WWOX: variants seen among roughly 807,000 people sequenced by gnomAD.
WWOX encodes the protein WW domain containing oxidoreductase, also known as WW domain-containing oxidoreductase.
WWOX carries 69 observed loss-of-function variants against 46.2 expected under a neutral mutation model. That is an observed-to-expected ratio of 1.49 (90% CI 1.23 to 1.82). The LOEUF is 1.82. WWOX is among the 40% of genes most tolerant of loss of function. WWOX has a pLI of 0.00. For synonymous variants in WWOX, 359 were observed against 202.6 expected, an observed-to-expected ratio of 1.77 and a Z score of -6.56; for missense variants, 919 against 542.6, an observed-to-expected ratio of 1.69 and a Z score of -6.89.
chr16:78,482,934 G>A lies in WWOX; in HGVS notation c.1056+50182G>A, dbSNP rs183392476. 7.0e-4 allele frequency among the ~76,000 whole-genome samples: 106 copies of A among 152,224 alleles called. 1 individual carries two copies. Among genetic ancestry groups the A allele is most frequent in the African/African-American group, 2.4e-3 (98 of 41,556 alleles). ...AAGAAACAGTCATTCATATCTGTTCGTAGAAGTGGGCGTCAAGATTTTGGG... is the reference window on the plus strand; with the variant it reads ...AAGAAACAGTCATTCATATCTGTTCATAGAAGTGGGCGTCAAGATTTTGGG... On this transcript the variant is annotated intron_variant, in intron 8 of 8. Transcript: ENST00000566780.
intron 7 of WWOX, among the ~76,000 whole-genome samples, chr16:78,430,502 A>G (rs866654732): frequency 2.0e-5 from 3 of 152,252 alleles, no homozygotes; most frequent in African/African-American, 4.8e-5. Context: ...CCACTGGGGC[A>G]TTCTTCATTG....
At chr16:78,730,723 G>A (rs963066010) in intron 8 of WWOX, among the ~76,000 whole-genome samples, 1 of 149,386 alleles carries the variant, frequency 6.7e-6, no homozygotes, top group Non-Finnish European at 1.5e-5. Context: ...TCCTCCCAAA[G>A]TGCTGGGATT....
At chr16:78,469,949 T>C (rs2084181245) in intron 8 of WWOX, among the ~76,000 whole-genome samples, 1 of 152,230 alleles carries the variant, frequency 6.6e-6, no homozygotes, top group South Asian at 2.1e-4. Flanking sequence ...ATCTACATTG[T>C]ATGTTGGTAC....
intron 8 of WWOX, among the ~76,000 whole-genome samples, chr16:78,546,903 G>C (rs1256088516): frequency 6.6e-6 from 1 of 152,076 alleles, no homozygotes; most frequent in Non-Finnish European, 1.5e-5. Context: ...GAGGCGGGTG[G>C]ATCACTTGAG....
intron 8 of WWOX, among the ~76,000 whole-genome samples, chr16:79,143,330 A>G (rs1296534789): frequency 6.6e-6 from 1 of 152,220 alleles, no homozygotes; most frequent in African/African-American, 2.4e-5. Context: ...CATTAAATGT[A>G]TTTAAATTAT....
intron 8 of WWOX, chr16:79,077,229 T>G (rs2048674769): frequency 6.6e-6 from 1 of 152,160 alleles, no homozygotes; most frequent in South Asian, 2.1e-4. Flanking sequence ...CTTTTTTGTT[T>G]TATTTTTGCC....
intron 8 of WWOX, among the ~76,000 whole-genome samples, chr16:78,602,480 C>A (rs2045644561): frequency 6.6e-6 from 1 of 152,178 alleles, no homozygotes; most frequent in African/African-American, 2.4e-5. Context: ...GATCCACCCA[C>A]CTCGGCCTCT....
intron 8 of WWOX, among the ~76,000 whole-genome samples, chr16:78,648,214 C>G (rs540386002): frequency 4.5e-4 from 69 of 152,256 alleles, no homozygotes; most frequent in African/African-American, 1.6e-3. Context: ...CCTTTTTCCT[C>G]TCTAATTCAT....
chr16:78,647,599 C>T (rs982595935), intron 8 of WWOX, among the ~76,000 whole-genome samples: 5 of 152,208 alleles, frequency 3.3e-5, no homozygotes, highest in African/African-American at 4.8e-5. Context: ...GATTCCTCCC[C>T]ATTCTATAAA....
At chr16:78,564,707 G>T (rs1223812497) in intron 8 of WWOX, among the ~76,000 whole-genome samples, 5 of 151,966 alleles carry the variant, frequency 3.3e-5, no homozygotes, top group Non-Finnish European at 7.4e-5. Flanking sequence ...CTTCTTCCTG[G>T]CTCCAGTAAA....
intron 8 of WWOX, among the ~76,000 whole-genome samples, chr16:79,012,042 T>C (rs1430941871): frequency 1.3e-5 from 2 of 152,114 alleles, no homozygotes; most frequent in Non-Finnish European, 2.9e-5. Flanking sequence ...CTGGCTACTG[T>C]GTTGAGAATA....
chr16:78,916,172 C>G (rs1038211988), intron 8 of WWOX, among the ~76,000 whole-genome samples: 38 of 152,202 alleles, frequency 2.5e-4, no homozygotes, highest in Admixed American at 2.1e-3. Context: ...GAATCCTAAA[C>G]ACGCTGCACA....
intron 8 of WWOX, among the ~76,000 whole-genome samples, chr16:78,984,670 C>G (rs1013785392): frequency 6.6e-6 from 1 of 152,202 alleles, no homozygotes; most frequent in Non-Finnish European, 1.5e-5. Flanking sequence ...CAAACTGACC[C>G]TTAGGAACCT....
intron 8 of WWOX, among the ~76,000 whole-genome samples, chr16:78,477,692 C>T (rs1043897604): frequency 6.6e-6 from 1 of 151,692 alleles, no homozygotes; most frequent in African/African-American, 2.4e-5. Context: ...ACTGAAATGG[C>T]AATTAGGAAA....
At chr16:78,401,761 G>A (rs2082419077) in intron 6 of WWOX, among the ~76,000 whole-genome samples, 1 of 151,988 alleles carries the variant, frequency 6.6e-6, no homozygotes, top group South Asian at 2.1e-4. Context: ...GTGTGATGGT[G>A]TGATCTTGGC....
intron 8 of WWOX, among the ~76,000 whole-genome samples, chr16:78,709,489 C>G (rs74622108): frequency 6.6e-6 from 1 of 152,164 alleles, no homozygotes; most frequent in African/African-American, 2.4e-5. Context: ...TTCTGTTCAT[C>G]TCTGACACAG....
rs549738345 is a variant in WWOX at position 78,327,976 on chromosome 16, A to C, written c.517-58884A>C. 6.1e-4 allele frequency among the ~76,000 whole-genome samples: 90 copies of C among 146,990 alleles called. 1 individual carries two copies. Among genetic ancestry groups the C allele is most frequent in the Admixed American group, 5.7e-4 (8 of 14,024 alleles). On this transcript the variant is annotated intron_variant, in intron 5 of 8. Transcript: ENST00000566780. Reference sequence around the variant, plus strand: ...ATGGCAACCTCAAACTTCTGGGCTCAAGCCAGCCGCCCATCTCAGCTACTT... The same window carrying C: ...ATGGCAACCTCAAACTTCTGGGCTCCAGCCAGCCGCCCATCTCAGCTACTT...
chr16:78,626,211 A>C (rs1006604460), intron 8 of WWOX, among the ~76,000 whole-genome samples: 2 of 151,652 alleles, frequency 1.3e-5, no homozygotes, highest in African/African-American at 4.8e-5. Context: ...GCTCACTGCA[A>C]CCTCCGCCTC....
At chr16:78,483,232 A>G (rs1294793117) in intron 8 of WWOX, among the ~76,000 whole-genome samples, 1 of 152,204 alleles carries the variant, frequency 6.6e-6, no homozygotes, top group African/African-American at 2.4e-5. Flanking sequence ...CATTTGAAAA[A>G]TACTCTGTCT....
Sources: allele counts gnomAD v4.1 joint callset (sites outside exome capture counted in the v4.1 genomes callset), GRCh38; gene constraint gnomAD v4.1.1; transcripts MANE v1.5; gene names NCBI Gene and HGNC (gene_info 2026-07-23, HGNC 2026-07-21).